Variants in ZSWIM8 observed in about 807,000 individuals in gnomAD.
The protein encoded by ZSWIM8 is zinc finger SWIM-type containing 8.
Under a neutral mutation model 173.7 loss-of-function variants are expected in ZSWIM8, and 27 were observed. That is an observed-to-expected ratio of 0.16 (90% confidence interval 0.11 to 0.21). The LOEUF (loss-of-function observed/expected upper bound fraction) is 0.21, where lower values mean the gene tolerates loss of function less well. Ranked by LOEUF, ZSWIM8 falls within the 10% of genes least tolerant of loss-of-function variation. The pLI is 1.00. For missense variants in ZSWIM8, 1,627 were observed against 2,428.8 expected (o/e 0.67, Z 6.94); for synonymous variants, 958 against 962.0 (o/e 1.00, Z 0.08).
Position 73,792,811 on chromosome 10 carries a change from T to A in ZSWIM8, c.2272T>A (p.Phe758Ile). The A allele has an allele frequency of 6.3e-7, 1 of 1,594,846 alleles. No homozygotes were observed. The highest frequency in any genetic ancestry group is 8.5e-7 in the Non-Finnish European group (1 of 1,174,704). The change falls in exon 10 of 26, where the codon TTT (phenylalanine) becomes ATT (isoleucine). Residue 758 changes from phenylalanine to isoleucine, a missense_variant. Coordinates refer to ENST00000604729, the MANE Select transcript of ZSWIM8 (RefSeq NM_001367799.1). This position sits in a 1 kb window ranked among gnomAD's most constrained non-coding sequence, Gnocchi z 4.3. Reference sequence around the variant, plus strand: ...CGGGGCTGGGGAGGAGCACGACCTGTTTGCTGGGCTGAAGCCACTGGAACA... The same window carrying A: ...CGGGGCTGGGGAGGAGCACGACCTGATTGCTGGGCTGAAGCCACTGGAACA... ...EGGAGEEHDL[F>I]AGLKPLEQES...
At position 73,797,061 on chromosome 10, in the gene ZSWIM8, G is replaced by C; in HGVS notation, c.3274+47G>C. Reference sequence around the variant, plus strand: ...GGGGGGATGAATGGTGTGGACCTATGTTGAGGTCCCCTTTCCTGGGCTCAT... The same window carrying C: ...GGGGGGATGAATGGTGTGGACCTATCTTGAGGTCCCCTTTCCTGGGCTCAT... On this transcript the variant is annotated intron_variant, in intron 16 of 25. Transcript: ENST00000604729. This position sits in a 1 kb window ranked among gnomAD's most constrained non-coding sequence, Gnocchi z 5.6. 6.2e-7 allele frequency: 1 copy of C among 1,612,514 alleles called. No individual in the cohort carries two copies. Among genetic ancestry groups the C allele is most frequent in the Non-Finnish European group, 8.5e-7 (1 of 1,178,994 alleles).
chr10:73,793,470 C>T (rs1028064812), intron 10 of ZSWIM8, 118 bp from the exon 11 acceptor site: 276 of 1,142,716 alleles, frequency 2.4e-4, no homozygotes, highest in Non-Finnish European at 2.8e-4. Flanking sequence ...TCCTATGGAG[C>T]GGCACAGGGC....
At position 73,791,773 on chromosome 10, in the gene ZSWIM8, C is replaced by T. The variant is rs1195202178; in HGVS notation, c.1320-86C>T. The T allele has an allele frequency of 3.5e-6, 5 of 1,431,794 alleles. No individual in the cohort carries two copies. The African/African-American group carries it at 5.8e-5, about 17-fold the overall frequency. The allele number at this position is 1,431,794 out of a possible 1,614,324, so 88.7% of individuals were successfully genotyped here. On this transcript the variant is annotated intron_variant, in intron 9 of 25. Coordinates refer to ENST00000604729, the MANE Select transcript of ZSWIM8 (RefSeq NM_001367799.1). The surrounding 1 kb of genome is among the most constrained non-coding windows in gnomAD (Gnocchi z 6.0). ...GAAGTACTTTCCTGTATCCTTTCCC[C>T]ATGCCTCTCTTTGGGGTGTACACCT...
intron 14 of ZSWIM8, 103 bp downstream of exon 14, chr10:73,794,742 A>G (rs2083550304): frequency 9.2e-6 from 10 of 1,084,564 alleles, no homozygotes; most frequent in Non-Finnish European, 1.3e-5. Context: ...GAAGGTCAGG[A>G]TGACATGTGT....
Position 73,793,568 on chromosome 10 carries a change from G to A in ZSWIM8, c.2314-20G>A, listed in dbSNP as rs369602024. The A allele has an allele frequency of 7.7e-6, 12 of 1,561,390 alleles. No individual in the cohort carries two copies. Among genetic ancestry groups the A allele is most frequent in the Middle Eastern group, 1.7e-4 (1 of 5,820 alleles). On this transcript the variant is annotated intron_variant, in intron 10 of 25. Transcript: ENST00000604729. ...GGAAGTTGGGACTTTAACCTGTCTG[G>A]TCCCATGTCCTCCTTCCAGGTACTG...
rs903927802 is a variant in ZSWIM8, at chr10:73,792,739, C to T, written c.2200C>T (p.Leu734=). ...GGATGATGACTACCAGGCGTACTAT[C>T]TGAATGCCCAGGATGGGGCTGGGGG... ...EEDDDYQAYY[L]NAQDGAGGEE... Residue 734 remains leucine, a synonymous_variant, in exon 10 of 26, where the codon CTG becomes TTG. Coordinates refer to ENST00000604729, the MANE Select transcript of ZSWIM8 (RefSeq NM_001367799.1). The surrounding 1 kb of genome is among the most constrained non-coding windows in gnomAD (Gnocchi z 4.3). 2 of 1,613,590 alleles carry T rather than the reference C, an allele frequency of 1.2e-6. No homozygotes were observed. The highest frequency in any genetic ancestry group is 2.2e-5 in the South Asian group (2 of 91,074).
chr10:73,796,684 T>A, intron 15 of ZSWIM8, 90 bp from the exon 16 acceptor site: 1 of 1,530,402 alleles, frequency 6.5e-7, no homozygotes, highest in Non-Finnish European at 8.8e-7. Context: ...AGCAATTGGC[T>A]GTTTCAAGGA....
Position 73,801,732 on chromosome 10 carries a change from C to T in ZSWIM8, c.*213C>T, listed in dbSNP as rs12569766. On this transcript the variant is annotated 3_prime_UTR_variant, in exon 26 of 26. Transcript: ENST00000604729. This position sits in a 1 kb window ranked among gnomAD's most constrained non-coding sequence, Gnocchi z 4.9. ...GGAGACAGCCCTGTCTGGGAGGGGG[C>T]GTTGGGTGGCCTCTGGTATTTATTT... The T allele has an allele frequency of 1.7e-4, 257 of 1,527,574 alleles. No individual in the cohort carries two copies. The East Asian group carries it at 5.3e-3, about 31-fold the overall frequency. The allele number at this position is 1,527,574 out of a possible 1,614,324, so 94.6% of individuals were successfully genotyped here.
intron 15 of ZSWIM8, among the ~76,000 whole-genome samples, chr10:73,795,962 C>CAAAAAAAA (rs34801762): frequency 3.4e-5 from 2 of 58,812 alleles, no homozygotes; most frequent in African/African-American, 6.8e-5. Context: ...GACCCTGTTT[C>CAAAAAAAA]AAAAAAAAAA....
Position 73,798,472 on chromosome 10 carries a change from TGGGAACCTCTTCTG to T in ZSWIM8, c.4176+23_4176+36del, listed in dbSNP as rs1395307257. On this transcript the variant is annotated intron_variant, in intron 20 of 25. Transcript: ENST00000604729. ...GGAACAGGTATTTCTACGGGCAATC[TGGGAACCTCTTCTG>T]GGGCATCTGGGCAGGGAGGTTGGGC... 1.6e-5 allele frequency: 25 copies of T among 1,605,334 alleles called. No homozygotes were observed. The highest frequency in any genetic ancestry group is 2.0e-5 in the Non-Finnish European group (24 of 1,173,852).
Position 73,797,987 on chromosome 10 carries a change from G to A in ZSWIM8, c.3869G>A (p.Gly1290Glu). Reference sequence around the variant, plus strand: ...CTGCACCTTTGCGCCTTCGAGATTGGGCTTTATGCCCTTGGCCTGCACAAC... The same window carrying A: ...CTGCACCTTTGCGCCTTCGAGATTGAGCTTTATGCCCTTGGCCTGCACAAC... ...RNLHLCAFEI[G>E]LYALGLHNFV... is the part of the protein sequence containing the mutation. The change falls in exon 19 of 26, where the codon GGG becomes GAG. Residue 1290 changes from glycine to glutamate, a missense_variant. Around this residue, in one of 18 missense-constraint regions of ZSWIM8, gnomAD observed 95 missense variants for 271.3 expected, o/e 0.35. Coordinates refer to ENST00000604729, the MANE Select transcript of ZSWIM8 (RefSeq NM_001367799.1). The surrounding 1 kb of genome is among the most constrained non-coding windows in gnomAD (Gnocchi z 5.6). 1 of 1,614,014 alleles carries A rather than the reference G, an allele frequency of 6.2e-7. No homozygotes were observed. The highest frequency in any genetic ancestry group is 8.5e-7 in the Non-Finnish European group (1 of 1,179,886).
chr10:73,790,863 T>C, intron 7 of ZSWIM8, 112 bp from the exon 8 acceptor site: 1 of 1,075,222 alleles, frequency 9.3e-7, no homozygotes, highest in East Asian at 2.5e-5. Context: ...AAAAAAATTT[T>C]GTTACAGATG....
chr10:73,786,016 A>T lies in ZSWIM8; in HGVS notation c.138A>T (p.Lys46Asn). 1 of 1,603,368 alleles carries T rather than the reference A, an allele frequency of 6.2e-7. No homozygotes were observed. Among genetic ancestry groups the T allele is most frequent in the Non-Finnish European group, 8.5e-7 (1 of 1,174,762 alleles). ...GCCAGAACTGGCGGGGATGGCGCAAACAGTCAGCGGGGCCCAATTCCCCCA... is the reference window on the plus strand; with the variant it reads ...GCCAGAACTGGCGGGGATGGCGCAATCAGTCAGCGGGGCCCAATTCCCCCA... ...SLCQNWRGWRKQSAGPNSPTG... is the reference protein window; with the variant it reads ...SLCQNWRGWRNQSAGPNSPTG... Residue 46 changes from lysine to asparagine, a missense_variant, in exon 1 of 26, where the codon AAA becomes AAT. This residue lies in a region of ZSWIM8 where 60 missense variants were observed against 93.9 expected (regional missense o/e 0.64). Coordinates refer to ENST00000604729, the MANE Select transcript of ZSWIM8 (RefSeq NM_001367799.1).
chr10:73,799,922 A>G (rs2083854498), intron 21 of ZSWIM8, 89 bp from the exon 22 acceptor site: 2 of 1,390,182 alleles, frequency 1.4e-6, no homozygotes, highest in South Asian at 1.3e-5. Context: ...CAAAAAAAAC[A>G]TGTCAGGATA....
In ZSWIM8 at chr10:73,800,886, GGGGGCGGAGGGTTACCTCAGCTCCT is replaced by G. The variant is rs2083923043; in HGVS notation, c.5123-126_5123-102del. 5.1e-6 allele frequency: 6 copies of G among 1,186,250 alleles called. No individual in the cohort carries two copies. The highest frequency in any genetic ancestry group is 2.4e-5 in the Admixed American group (1 of 41,830). The allele number at this position is 1,186,250 out of a possible 1,614,324, so 73.5% of individuals were successfully genotyped here. On this transcript the variant is annotated intron_variant, in intron 24 of 25. Transcript: ENST00000604729. This position sits in a 1 kb window ranked among gnomAD's most constrained non-coding sequence, Gnocchi z 4.1. ...TTGGTCGGGTATGTGTGCGTGCGCG[GGGGGCGGAGGGTTACCTCAGCTCCT>G]GGGGTGGAGGGAGGCTCTCTGCCAG...
rs756350244 is a variant in ZSWIM8, at chr10:73,791,300, G to A, written c.1144-24G>A. 4 of 1,591,532 alleles carry A rather than the reference G, an allele frequency of 2.5e-6. No individual in the cohort carries two copies. In the East Asian group the frequency reaches 6.8e-5, roughly 27 times the overall value. On this transcript the variant is annotated intron_variant, in intron 8 of 25. Transcript: ENST00000604729. This position sits in a 1 kb window ranked among gnomAD's most constrained non-coding sequence, Gnocchi z 6.0. The stretch of plus-strand genomic sequence containing the variant: ...GCCTTTCTCTGAGCTCTCAGGTGCA[G>A]CTCACAGCCTTCTTTGTCTCCAGAT...
chr10:73,789,240 G>GGC lies in ZSWIM8; in HGVS notation c.457+51_457+52dup, dbSNP rs765961310. ...GCACATCCTGCTCCTCCCATCCCCT[G>GGC]GCTTATGAAGTAAGAACACACCGCA... On this transcript the variant is annotated intron_variant, in intron 3 of 25. Transcript: ENST00000604729. This position sits in a 1 kb window ranked among gnomAD's most constrained non-coding sequence, Gnocchi z 6.8. The GGC allele has an allele frequency of 4.3e-6, 7 of 1,611,182 alleles. No individual in the cohort carries two copies. Among genetic ancestry groups the GGC allele is most frequent in the Non-Finnish European group, 3.4e-6 (4 of 1,177,606 alleles).
At position 73,791,193 on chromosome 10, in the gene ZSWIM8, G is replaced by A. The variant is rs1281234357; in HGVS notation, c.1143+17G>A. The A allele has an allele frequency of 1.3e-6, 2 of 1,582,902 alleles. No homozygotes were observed. The highest frequency in any genetic ancestry group is 2.3e-5 in the East Asian group (1 of 44,314). On this transcript the variant is annotated intron_variant, in intron 8 of 25. Transcript: ENST00000604729. The surrounding 1 kb of genome is among the most constrained non-coding windows in gnomAD (Gnocchi z 6.0). The stretch of plus-strand genomic sequence containing the variant: ...TATGAACAGGTAATCACTCAGCGTT[G>A]GGGAGCCCCGTGGTAGCTCATTCTT...
chr10:73,794,267 G>A lies in ZSWIM8; in HGVS notation c.2746G>A (p.Asp916Asn), dbSNP rs778800328. 6.2e-7 allele frequency: 1 copy of A among 1,613,914 alleles called. No homozygotes were observed. The highest frequency in any genetic ancestry group is 8.5e-7 in the Non-Finnish European group (1 of 1,179,900). ...GGAACTTCGGGAGGGGACACTCTGT[G>A]ACTATCGGCCTGTGTTGCCTCTCAT... Reference protein sequence around the residue: ...AEELREGTLCDYRPVLPLMLA... With the variant: ...AEELREGTLCNYRPVLPLMLA... Residue 916 changes from aspartate to asparagine, a missense_variant, in exon 13 of 26, where the codon GAC becomes AAC. This residue lies in a region of ZSWIM8 where 169 missense variants were observed against 235.3 expected (regional missense o/e 0.72). Transcript: ENST00000604729.
Sources: gnomAD v4.1 joint callset for allele counts (sites outside exome capture counted in the v4.1 genomes callset) on GRCh38, gnomAD v4.1.1 for gene constraint, gnomAD v4.1.1 regional missense constraint, Gnocchi (gnomAD v3.1) non-coding constraint, MANE v1.5 for transcripts, NCBI Gene and HGNC (gene_info 2026-07-23, HGNC 2026-07-21) for gene names.